The following MINAR1 variants were observed in gnomAD, a reference collection of about 807,000 sequenced individuals.
The protein encoded by MINAR1 is membrane integral NOTCH2 associated receptor 1.
A neutral mutation model predicts 65.1 loss-of-function variants in MINAR1; 40 were observed. The observed-to-expected ratio is 0.61, with a 90% CI of 0.48 to 0.80. MINAR1 has a LOEUF of 0.80. Ranked by LOEUF, MINAR1 falls within the 30% of genes least tolerant of loss-of-function variation. The pLI, the probability that MINAR1 is intolerant of heterozygous loss-of-function variation, is 0.00. For synonymous variants in MINAR1, 482 were observed against 449.1 expected (o/e 1.07, Z -0.93); for missense variants, 1,128 against 1,148.0 (o/e 0.98, Z 0.25).
At chr15:79,426,238 C>G in the MINAR1 span, 1 of 152,434 alleles carries the variant, frequency 6.6e-6, no homozygotes, top group Admixed American at 6.5e-5. Context: ...TGTTTAGGCT[C>G]TGTTGCTCCC....
intron 1 of MINAR1, among the ~76,000 whole-genome samples, chr15:79,452,492 CTGAG>C (rs1246600592): frequency 2.3e-5 from 3 of 130,024 alleles, no homozygotes; most frequent in Non-Finnish European, 3.3e-5. Context: ...GGATTTGAGT[CTGAG>C]TGTGAAGCTA....
At chr15:79,431,073 G>A (rs578149166), upstream of MINAR1, among the ~76,000 whole-genome samples, 15 of 152,078 alleles carry the variant, frequency 9.9e-5, no homozygotes, top group Non-Finnish European at 1.2e-4. Flanking sequence ...GGTAGCAAAT[G>A]TCAGGGAGAA....
chr15:79,457,521 G>A lies in MINAR1; in HGVS notation c.1374G>A (p.Lys458=). Residue 458 remains lysine, a synonymous_variant, in exon 2 of 4, where the codon AAG becomes AAA. Coordinates refer to ENST00000305428, the MANE Select transcript of MINAR1 (RefSeq NM_015206.3). ...AACCAGTCAAAAAGTTTAAAGACAA[G>A]AGCATTAACTGCACCAGTGGGCAGC... ...KHEPVKKFKD[K]SINCTSGQLS... is the part of the protein sequence containing the mutation. 6.2e-7 allele frequency: 1 copy of A among 1,614,146 alleles called. No homozygotes were observed. Among genetic ancestry groups the A allele is most frequent in the Non-Finnish European group, 8.5e-7 (1 of 1,180,038 alleles).
In MINAR1 at chr15:79,456,468, G is replaced by A. The variant is rs749493600; in HGVS notation, c.321G>A (p.Thr107=). 43 of 1,613,932 alleles carry A rather than the reference G, an allele frequency of 2.7e-5. No homozygotes were observed. The South Asian group carries it at 3.4e-4, about 13-fold the overall frequency. The change falls in exon 2 of 4, where the codon ACG becomes ACA. Residue 107 remains threonine (T), a synonymous_variant. Coordinates refer to ENST00000305428, the MANE Select transcript of MINAR1 (RefSeq NM_015206.3). ...NGGAAKEKLP[T]GRQKVRKKEA... Reference sequence around the variant, plus strand: ...GGGCTGCCAAGGAGAAGCTGCCCACGGGCCGCCAGAAGGTACGCAAGAAGG... The same window carrying A: ...GGGCTGCCAAGGAGAAGCTGCCCACAGGCCGCCAGAAGGTACGCAAGAAGG...
intron 3 of MINAR1, chr15:79,463,561 A>G: frequency 3.0e-6 from 2 of 661,850 alleles, no homozygotes; most frequent in South Asian, 1.6e-5. Context: ...TGATTTATGT[A>G]TTTTTTATCG....
At chr15:79,461,119 T>C (rs1895627398) in intron 2 of MINAR1, among the ~76,000 whole-genome samples, 1 of 152,246 alleles carries the variant, frequency 6.6e-6, no homozygotes, top group South Asian at 2.1e-4. Flanking sequence ...GAAACTTTTA[T>C]TGAAAATACG....
upstream of MINAR1, chr15:79,427,464 A>G (rs966286984): frequency 6.6e-6 from 1 of 152,214 alleles, no homozygotes; most frequent in Non-Finnish European, 1.5e-5. Context: ...TCTCATTTTT[A>G]TGATTGGCAA....
chr15:79,430,606 C>G (rs1048682132), upstream of MINAR1, among the ~76,000 whole-genome samples: 6 of 152,104 alleles, frequency 3.9e-5, no homozygotes, highest in African/African-American at 1.2e-4. Flanking sequence ...ATATTGGGAC[C>G]CAAAGACAGA....
chr15:79,425,229 G>A, the MINAR1 span: 1 of 152,018 alleles, frequency 6.6e-6, no homozygotes, highest in African/African-American at 2.4e-5. Flanking sequence ...TATTAGAGAT[G>A]GGGTTTCACC....
chr15:79,430,847 C>A (rs2141271107), upstream of MINAR1, among the ~76,000 whole-genome samples: 1 of 152,294 alleles, frequency 6.6e-6, no homozygotes, highest in Non-Finnish European at 1.5e-5. Context: ...TTAAAGTATC[C>A]ATTTATTAGC....
upstream of MINAR1, among the ~76,000 whole-genome samples, chr15:79,431,081 GAAGCTGGCCAGGGAA>G (rs1894425230): frequency 6.6e-6 from 1 of 152,016 alleles, no homozygotes; most frequent in Non-Finnish European, 1.5e-5. Context: ...ATGTCAGGGA[GAAGCTGGCCAGGGAA>G]AAGCCGCCAC....
At chr15:79,431,243 A>G (rs114326959), upstream of MINAR1, among the ~76,000 whole-genome samples, 657 of 152,234 alleles carry the variant, frequency 4.3e-3, 4 homozygotes, top group African/African-American at 0.015. Context: ...CATGGCCCCG[A>G]AACTATGATT....
At chr15:79,413,524 T>G in the MINAR1 span, 2 of 152,200 alleles carry the variant, frequency 1.3e-5, no homozygotes, top group African/African-American at 2.4e-5. Context: ...AATACACACA[T>G]GGTGAGGTTT....
chr15:79,425,270 C>T, the MINAR1 span: 1 of 152,164 alleles, frequency 6.6e-6, no homozygotes, highest in Non-Finnish European at 1.5e-5. Flanking sequence ...GAACTCCTGA[C>T]TTCAGGTGAT....
Position 79,468,192 on chromosome 15 carries a change from A to G in MINAR1, c.2559A>G (p.Gln853=). 1 of 1,613,254 alleles carries G rather than the reference A, an allele frequency of 6.2e-7. No homozygotes were observed. The highest frequency in any genetic ancestry group is 8.5e-7 in the Non-Finnish European group (1 of 1,179,344). ...GKLTALDLQT[Q]ESLNPNNLEY... is the part of the protein sequence containing the mutation. ...CATCTTCTCTTCGCTTTTAGACGCAAGAATCTTTAAACCCAAATAATTTAG... is the reference window on the plus strand; with the variant it reads ...CATCTTCTCTTCGCTTTTAGACGCAGGAATCTTTAAACCCAAATAATTTAG... Residue 853 remains glutamine (Q), a synonymous_variant, in exon 4 of 4, where the codon CAA becomes CAG. Coordinates refer to ENST00000305428, the MANE Select transcript of MINAR1 (RefSeq NM_015206.3).
the MINAR1 span, chr15:79,420,269 A>G: frequency 6.6e-6 from 1 of 152,214 alleles, no homozygotes; most frequent in Non-Finnish European, 1.5e-5. Context: ...CATTTTTAAT[A>G]AGGACTCAGG....
chr15:79,452,450 GTGGGTGTGAGTC>G (rs899755899), intron 1 of MINAR1, among the ~76,000 whole-genome samples: 5 of 151,824 alleles, frequency 3.3e-5, no homozygotes, highest in African/African-American at 7.2e-5. Flanking sequence ...GTGAGTGTGT[GTGGGTGTGAGTC>G]TGGGTGTGAA....
intron 2 of MINAR1, among the ~76,000 whole-genome samples, chr15:79,460,163 G>A (rs965948171): frequency 1.3e-5 from 2 of 152,096 alleles, no homozygotes; most frequent in Non-Finnish European, 2.9e-5. Flanking sequence ...TCTTTATTTT[G>A]TCCCCTTCTG....
In MINAR1 at chr15:79,468,315, T is replaced by G; in HGVS notation, c.2682T>G (p.Ala894=). 1 of 1,614,136 alleles carries G rather than the reference T, an allele frequency of 6.2e-7. No individual in the cohort carries two copies. The change falls in exon 4 of 4, where the codon GCT becomes GCG. Residue 894 remains alanine (A), a synonymous_variant. Coordinates refer to ENST00000305428, the MANE Select transcript of MINAR1 (RefSeq NM_015206.3). ...FRRAKVCKIA[A]LIAAAACTVI... Reference sequence around the variant, plus strand: ...GAGCCAAGGTCTGCAAGATAGCTGCTCTGATCGCTGCTGCGGCATGCACCG... The same window carrying G: ...GAGCCAAGGTCTGCAAGATAGCTGCGCTGATCGCTGCTGCGGCATGCACCG...
Sources: gnomAD v4.1 joint callset for allele counts (sites outside exome capture counted in the v4.1 genomes callset) on GRCh38, gnomAD v4.1.1 for gene constraint, MANE v1.5 for transcripts, NCBI Gene and HGNC (gene_info 2026-07-23, HGNC 2026-07-21) for gene names.